FRMD4B: variants seen among roughly 807,000 people sequenced by gnomAD.
FRMD4B encodes FERM domain containing 4B, also known as FERM domain-containing protein 4B.
FRMD4B carries 74 observed loss-of-function variants against 141.5 expected under a neutral mutation model. The ratio of observed to expected loss-of-function variants is 0.52; its 90% CI spans 0.43 to 0.63. FRMD4B has a LOEUF of 0.63. Among genes scored for constraint, FRMD4B ranks in the 30% least tolerant of loss-of-function variants. The pLI is 0.00. For missense variants in FRMD4B, 1,366 were observed against 1,253.4 expected, an observed-to-expected ratio of 1.09 and a Z score of -1.36; for synonymous variants, 506 against 467.9, an observed-to-expected ratio of 1.08 and a Z score of -1.05.
intron 1 of FRMD4B, among the ~76,000 whole-genome samples, chr3:69,531,278 C>T (rs1165323159): frequency 1.3e-5 from 2 of 152,066 alleles, no homozygotes; most frequent in South Asian, 4.1e-4. Flanking sequence ...CACATACAGG[C>T]TCTCAATCCC....
chr3:69,200,974 G>T (rs746337951), intron 11 of FRMD4B: 9 of 397,738 alleles, frequency 2.3e-5, no homozygotes, highest in Non-Finnish European at 4.1e-5. Context: ...AAACCCTAGC[G>T]CTTTGGACTC....
chr3:69,354,406 G>GA (rs1703253517), intron 1 of FRMD4B, among the ~76,000 whole-genome samples: 1 of 151,992 alleles, frequency 6.6e-6, no homozygotes, highest in Non-Finnish European at 1.5e-5. Context: ...TCTCCCTCCT[G>GA]AAAAAAAGAA....
intron 1 of FRMD4B, among the ~76,000 whole-genome samples, chr3:69,518,878 T>C (rs761938066): frequency 2.6e-5 from 4 of 152,200 alleles, no homozygotes; most frequent in Admixed American, 2.0e-4. Flanking sequence ...CTGGATGGAC[T>C]CTTTGCAAAG....
At chr3:69,186,184 G>A (rs561389907) in intron 19 of FRMD4B, among the ~76,000 whole-genome samples, 1 of 149,536 alleles carries the variant, frequency 6.7e-6, no homozygotes, top group Non-Finnish European at 1.5e-5. Context: ...ATATCAAAAT[G>A]TCATTTCTTT....
intron 10 of FRMD4B, 80 bp from the exon 11 acceptor site, chr3:69,216,429 C>CTTTT (rs397990009): frequency 6.6e-4 from 251 of 381,546 alleles, no homozygotes; most frequent in South Asian, 1.3e-3. Flanking sequence ...AATTTCACCT[C>CTTTT]TTTTTTTTTT....
At chr3:69,293,096 T>A (rs1191489280) in intron 4 of FRMD4B, 1 of 441,380 alleles carries the variant, frequency 2.3e-6, no homozygotes, top group Non-Finnish European at 4.5e-6. Context: ...CACTCATTAG[T>A]GATGACAGAA....
chr3:69,206,532 C>A (rs2107689701), intron 11 of FRMD4B, among the ~76,000 whole-genome samples: 1 of 152,268 alleles, frequency 6.6e-6, no homozygotes, highest in Non-Finnish European at 1.5e-5. Context: ...AATCTCTAAC[C>A]TTCCAGAGCT....
chr3:69,402,004 A>G (rs909283815), intron 2 of FRMD4B, among the ~76,000 whole-genome samples: 1 of 152,218 alleles, frequency 6.6e-6, no homozygotes, highest in Non-Finnish European at 1.5e-5. Context: ...TGCGTAGGCA[A>G]TTCTTGTGGG....
chr3:69,316,440 T>A (rs1288526567), intron 1 of FRMD4B, among the ~76,000 whole-genome samples: 1 of 151,894 alleles, frequency 6.6e-6, no homozygotes, highest in Non-Finnish European at 1.5e-5. Flanking sequence ...TTTATGGTAA[T>A]TTACTCAAAG....
At chr3:69,532,840 C>T (rs1701024418) in intron 1 of FRMD4B, among the ~76,000 whole-genome samples, 1 of 152,196 alleles carries the variant, frequency 6.6e-6, no homozygotes. Context: ...GTTGGGTCCC[C>T]CACTGACACT....
intron 1 of FRMD4B, among the ~76,000 whole-genome samples, chr3:69,451,835 C>T (rs1705506762): frequency 6.6e-6 from 1 of 152,196 alleles, no homozygotes; most frequent in Non-Finnish European, 1.5e-5. Context: ...CAGCACACAG[C>T]TGTTATGAGG....
intron 11 of FRMD4B, among the ~76,000 whole-genome samples, chr3:69,213,434 T>C (rs186479638): frequency 6.6e-6 from 1 of 151,854 alleles, no homozygotes; most frequent in East Asian, 1.9e-4. Flanking sequence ...AAAAATTGGG[T>C]ATCCTTCATT....
intron 1 of FRMD4B, among the ~76,000 whole-genome samples, chr3:69,526,512 C>A (rs1262891084): frequency 2.0e-5 from 3 of 152,166 alleles, no homozygotes; most frequent in Non-Finnish European, 4.4e-5. Flanking sequence ...AGGCAACAGG[C>A]TGGCACCATA....
chr3:69,190,080 A>G (rs2092820326), intron 17 of FRMD4B, 128 bp from the exon 18 acceptor site: 1 of 596,854 alleles, frequency 1.7e-6, no homozygotes. Flanking sequence ...TGCATTAAGA[A>G]TAATTAACTA....
chr3:69,229,568 C>T (rs137917502), intron 7 of FRMD4B, among the ~76,000 whole-genome samples: 5 of 152,220 alleles, frequency 3.3e-5, no homozygotes, highest in East Asian at 1.9e-4. Flanking sequence ...GCAGAATAAT[C>T]GAAAGACGAC....
intron 1 of FRMD4B, among the ~76,000 whole-genome samples, chr3:69,317,262 C>T (rs1163205492): frequency 1.1e-4 from 17 of 152,142 alleles, no homozygotes; most frequent in Admixed American, 1.1e-3. Context: ...CTTGGTCCTG[C>T]CCCTTTGTCC....
At chr3:69,410,482 A>AG (rs1048778698) in intron 2 of FRMD4B, among the ~76,000 whole-genome samples, 1 of 151,856 alleles carries the variant, frequency 6.6e-6, no homozygotes, top group Non-Finnish European at 1.5e-5. Flanking sequence ...ATGTGAGTGT[A>AG]TGAACGTGTA....
At chr3:69,499,659 T>C (rs1332597505) in intron 1 of FRMD4B, among the ~76,000 whole-genome samples, 5 of 152,194 alleles carry the variant, frequency 3.3e-5, no homozygotes, top group Non-Finnish European at 4.4e-5. Context: ...TGAAGTGCTA[T>C]CTTATTATTC....
intron 11 of FRMD4B, among the ~76,000 whole-genome samples, chr3:69,211,877 T>C (rs1485738737): frequency 6.6e-6 from 1 of 152,194 alleles, no homozygotes; most frequent in Non-Finnish European, 1.5e-5. Context: ...ATTCTTTCAT[T>C]TGTGCAAACT....
Sources: gnomAD v4.1 joint callset for allele counts (sites outside exome capture counted in the v4.1 genomes callset) on GRCh38, gnomAD v4.1.1 for gene constraint, MANE v1.5 for transcripts, NCBI Gene and HGNC (gene_info 2026-07-23, HGNC 2026-07-21) for gene names.